The following CASZ1 variants were observed in gnomAD, a reference collection of about 807,000 sequenced individuals.
CASZ1 encodes castor zinc finger 1.
In CASZ1, 28 loss-of-function variants were observed where a neutral mutation model predicts 135.2. The observed-to-expected ratio is 0.21, with a 90% confidence interval of 0.15 to 0.28. The LOEUF is 0.28. Among genes scored for constraint, CASZ1 ranks in the 10% least tolerant of loss-of-function variants. The pLI, the probability that CASZ1 is intolerant of heterozygous loss-of-function variation, is 1.00. For missense variants in CASZ1, 2,161 were observed against 2,453.3 expected, an observed-to-expected ratio of 0.88 and a Z score of 2.52; for synonymous variants, 1,068 against 1,073.4, an observed-to-expected ratio of 0.99 and a Z score of 0.10.
chr1:10,680,643 G>A (rs61776324), intron 4 of CASZ1, among the ~76,000 whole-genome samples: 2,916 of 152,286 alleles, frequency 0.019, 80 homozygotes, highest in African/African-American at 0.064. Flanking sequence ...ACCCCGGCTG[G>A]GCCCTGAGGT....
chr1:10,711,134 G>C lies in CASZ1; in HGVS notation c.-76-5590C>G, dbSNP rs1639278334. ...CGACAGAGCGAGACTCCGTCTTGGG[G>C]GGAGAAAAAAGAAAAAGACAGCATA... On this transcript the variant is annotated intron_variant, in intron 2 of 20. Coordinates refer to ENST00000377022, the MANE Select transcript of CASZ1 (RefSeq NM_001079843.3). The surrounding 1 kb of genome is among the most constrained non-coding windows in gnomAD (Gnocchi z 4.4). 6.6e-6 allele frequency among the ~76,000 whole-genome samples: 1 copy of C among 152,148 alleles called. No individual in the cohort carries two copies. The highest frequency in any genetic ancestry group is 2.4e-5 in the African/African-American group (1 of 41,426).
chr1:10,684,698 C>A (rs1186450956), intron 4 of CASZ1, among the ~76,000 whole-genome samples: 1 of 152,238 alleles, frequency 6.6e-6, no homozygotes, highest in Non-Finnish European at 1.5e-5. Context: ...ATGCTGACCA[C>A]ACAGTCTAAG....
Position 10,755,113 on chromosome 1 carries a change from C to T in CASZ1, c.-77+5588G>A, listed in dbSNP as rs1007251425. Among the ~76,000 whole-genome samples the T allele has an allele frequency of 2.6e-5, 4 of 152,132 alleles. No homozygotes were observed. Among genetic ancestry groups the T allele is most frequent in the African/African-American group, 4.8e-5 (2 of 41,428 alleles). The stretch of plus-strand genomic sequence containing the variant: ...CCAGGCCTGAAGGGCAGAGAGCAAG[C>T]GGCAGTGGTGTGGGTGGGAACGTGG... On this transcript the variant is annotated intron_variant, in intron 2 of 20. Transcript: ENST00000377022. This position sits in a 1 kb window ranked among gnomAD's most constrained non-coding sequence, Gnocchi z 4.3.
chr1:10,660,259 G>C lies in CASZ1; in HGVS notation c.783C>G (p.Thr261=), dbSNP rs749741796. 1.9e-6 allele frequency: 3 copies of C among 1,613,720 alleles called. No homozygotes were observed. Among genetic ancestry groups the C allele is most frequent in the East Asian group, 2.2e-5 (1 of 44,876 alleles). Residue 261 remains threonine, a synonymous_variant, in exon 6 of 21, where the codon ACC becomes ACG. Transcript: ENST00000377022. ...CCACCTCCTTGCCCACCCGCTCCTC[G>C]GTCTTGGTGCTGGGGGCCGGCCAGG... The part of the protein sequence containing the change: ...QLSWPAPSTK[T]EERVGKEVVG...
intron 11 of CASZ1, 100 bp from the exon 12 acceptor site, chr1:10,651,176 G>A: frequency 2.0e-6 from 2 of 993,222 alleles, no homozygotes; most frequent in Non-Finnish European, 1.4e-6. Context: ...TGGGCTGGGT[G>A]GGCCCCGGCT....
rs547255503 is a variant in CASZ1, at chr1:10,749,506, CA to C, written c.-77+11194del. Among the ~76,000 whole-genome samples the C allele has an allele frequency of 3.7e-3, 556 of 152,282 alleles. 4 individuals carry two copies. Among genetic ancestry groups the C allele is most frequent in the Non-Finnish European group, 6.0e-3 (409 of 68,024 alleles). On this transcript the variant is annotated intron_variant, in intron 2 of 20. Transcript: ENST00000377022. ...TTGTGATCCACCCACCTCGGCCTCC[CA>C]AAGTGCTGGGATTACAGGTGTGAGC...
At position 10,720,565 on chromosome 1, in the gene CASZ1, T is replaced by C. The variant is rs1276572594; in HGVS notation, c.-76-15021A>G. Among the ~76,000 whole-genome samples the C allele has an allele frequency of 6.6e-6, 1 of 152,214 alleles. No individual in the cohort carries two copies. The highest frequency in any genetic ancestry group is 2.4e-5 in the African/African-American group (1 of 41,454). On this transcript the variant is annotated intron_variant, in intron 2 of 20. Transcript: ENST00000377022. The surrounding 1 kb of genome is among the most constrained non-coding windows in gnomAD (Gnocchi z 5.7). Reference sequence around the variant, plus strand: ...GTGGGAAGACTTGGGCAGTCCCATTTGCCTATCAAAAACTGTACATTCGCT... The same window carrying C: ...GTGGGAAGACTTGGGCAGTCCCATTCGCCTATCAAAAACTGTACATTCGCT...
rs374524422 is a variant in CASZ1, at chr1:10,640,003, C to G, written c.4219G>C (p.Glu1407Gln). The G allele has an allele frequency of 6.2e-7, 1 of 1,612,354 alleles. No individual in the cohort carries two copies. The highest frequency in any genetic ancestry group is 2.2e-5 in the East Asian group (1 of 44,892). ...CGCTTGCCGAAGGGCGACATGTCCT[C>G]GATGATCCAGAAGCGCTTTTTGGCC... Reference protein sequence around the residue: ...SGAKKRFWIIEDMSPFGKRRK... With the variant: ...SGAKKRFWIIQDMSPFGKRRK... The change falls in exon 21 of 21, where the codon GAG becomes CAG. Residue 1407 changes from glutamate (E) to glutamine (Q), a missense_variant. This residue lies in a region of CASZ1 where 143 missense variants were observed against 128.3 expected (regional missense o/e 1.11). Transcript: ENST00000377022.
Position 10,653,687 on chromosome 1 carries a change from GAGGGCC to G in CASZ1, c.2364_2369del (p.Ala789_Leu790del), listed in dbSNP as rs754599226. 6 of 1,567,796 alleles carry G rather than the reference GAGGGCC, an allele frequency of 3.8e-6. 1 individual carries two copies. The South Asian group carries it at 7.1e-5, about 19-fold the overall frequency. On this transcript the variant is annotated inframe_deletion, in exon 11 of 21. Coordinates refer to ENST00000377022, the MANE Select transcript of CASZ1 (RefSeq NM_001079843.3). ...TGGGGGTGGGCAGGCCCGAGTTGGA[GAGGGCC>G]AGGGCCAGGGGGATTGAGCCAGGCA...
rs557610391 is a variant in CASZ1 at position 10,706,541 on chromosome 1, T to C, written c.-76-997A>G. The stretch of plus-strand genomic sequence containing the variant: ...TCCCCAAATCAGATTGGGGGGATTG[T>C]GGGAGATGAGGTGACCTTGTTGAGG... On this transcript the variant is annotated intron_variant, in intron 2 of 20. Coordinates refer to ENST00000377022, the MANE Select transcript of CASZ1 (RefSeq NM_001079843.3). The surrounding 1 kb of genome is among the most constrained non-coding windows in gnomAD (Gnocchi z 4.3). 1.3e-3 allele frequency among the ~76,000 whole-genome samples: 192 copies of C among 152,300 alleles called. 1 individual carries two copies. Among genetic ancestry groups the C allele is most frequent in the African/African-American group, 4.5e-3 (187 of 41,564 alleles).
Position 10,647,926 on chromosome 1 carries a change from G to A in CASZ1, c.3372C>T (p.Ser1124=). Reference sequence around the variant, plus strand: ...GGATCTGAGGCATCTGGGGTATGGTGGAAGCCAGCTGCTTCCAGGCGAGCA... The same window carrying A: ...GGATCTGAGGCATCTGGGGTATGGTAGAAGCCAGCTGCTTCCAGGCGAGCA... The part of the protein sequence containing the change: ...PTLLAWKQLA[S]TIPQMPQIPA... The change falls in exon 16 of 21, where the codon TCC becomes TCT. Residue 1124 remains serine, a synonymous_variant. Transcript: ENST00000377022. This position sits in a 1 kb window ranked among gnomAD's most constrained non-coding sequence, Gnocchi z 4.9. The A allele has an allele frequency of 6.2e-7, 1 of 1,613,616 alleles. No homozygotes were observed. Among genetic ancestry groups the A allele is most frequent in the Non-Finnish European group, 8.5e-7 (1 of 1,179,878 alleles).
rs907948142 is a variant in CASZ1 at position 10,646,708 on chromosome 1, C to T, written c.3498-382G>A. On this transcript the variant is annotated intron_variant, in intron 16 of 20. Transcript: ENST00000377022. The surrounding 1 kb of genome is among the most constrained non-coding windows in gnomAD (Gnocchi z 6.4). Reference sequence around the variant, plus strand: ...CGGGGTGCCGTGAGGCCCTGGCTGGCGTGGCATGGGCGCCACCGTGGATGT... The same window carrying T: ...CGGGGTGCCGTGAGGCCCTGGCTGGTGTGGCATGGGCGCCACCGTGGATGT... 2.0e-5 allele frequency among the ~76,000 whole-genome samples: 3 copies of T among 152,316 alleles called. No individual in the cohort carries two copies. The highest frequency in any genetic ancestry group is 3.9e-4 in the East Asian group (2 of 5,180).
chr1:10,655,687 G>A lies in CASZ1; in HGVS notation c.1627C>T (p.His543Tyr), dbSNP rs952343453. The A allele has an allele frequency of 6.2e-7, 1 of 1,614,008 alleles. No homozygotes were observed. The highest frequency in any genetic ancestry group is 1.1e-5 in the South Asian group (1 of 91,078). The change falls in exon 9 of 21, where the codon CAC (histidine) becomes TAC (tyrosine). Residue 543 changes from histidine (H) to tyrosine (Y), a missense_variant. Around this residue, in one of 7 missense-constraint regions of CASZ1, gnomAD observed 248 missense variants for 410.8 expected, o/e 0.60. Coordinates refer to ENST00000377022, the MANE Select transcript of CASZ1 (RefSeq NM_001079843.3). The part of the protein sequence containing the change: ...DDCSVYYHGC[H>Y]LNGKSTHYHC... ...TAGTGGGTGCTCTTCCCATTGAGGTGGCAGCCGTGGTAGTAGACGCTGCAG... is the reference window on the plus strand; with the variant it reads ...TAGTGGGTGCTCTTCCCATTGAGGTAGCAGCCGTGGTAGTAGACGCTGCAG...
intron 1 of CASZ1, among the ~76,000 whole-genome samples, chr1:10,783,303 G>C (rs984238687): frequency 3.3e-5 from 5 of 151,754 alleles, no homozygotes; most frequent in African/African-American, 1.2e-4. Flanking sequence ...GTGCACATGG[G>C]CAAGCGTATA....
chr1:10,789,195 C>A (rs561494211), intron 1 of CASZ1, among the ~76,000 whole-genome samples: 2 of 150,104 alleles, frequency 1.3e-5, no homozygotes, highest in Admixed American at 6.6e-5. Context: ...GTTCCCATCA[C>A]CCCTGCTCCT....
At position 10,755,301 on chromosome 1, in the gene CASZ1, G is replaced by A. The variant is rs1640229990; in HGVS notation, c.-77+5400C>T. Among the ~76,000 whole-genome samples the A allele has an allele frequency of 6.6e-6, 1 of 152,188 alleles. No homozygotes were observed. The highest frequency in any genetic ancestry group is 2.4e-5 in the African/African-American group (1 of 41,446). On this transcript the variant is annotated intron_variant, in intron 2 of 20. Coordinates refer to ENST00000377022, the MANE Select transcript of CASZ1 (RefSeq NM_001079843.3). This position sits in a 1 kb window ranked among gnomAD's most constrained non-coding sequence, Gnocchi z 4.3. ...TGGGGGAACCTGGCAGGAGACCGGA[G>A]AGGAGGAGCTTGAAGGTCTACACGA...
intron 1 of CASZ1, among the ~76,000 whole-genome samples, chr1:10,790,780 T>C (rs958741403): frequency 6.6e-6 from 1 of 152,112 alleles, no homozygotes. Context: ...ACCTTGGCTA[T>C]GCCTGACATT....
At chr1:10,749,539 G>A (rs113081175) in intron 2 of CASZ1, among the ~76,000 whole-genome samples, 3,273 of 152,168 alleles carry the variant, frequency 0.022, 134 homozygotes, top group African/African-American at 0.074. Context: ...GAGCCACCAC[G>A]CCCGGCCTAT....
Position 10,707,148 on chromosome 1 carries a change from C to T in CASZ1, c.-76-1604G>A, listed in dbSNP as rs1174298298. Among the ~76,000 whole-genome samples the T allele has an allele frequency of 6.6e-6, 1 of 152,064 alleles. No individual in the cohort carries two copies. The highest frequency in any genetic ancestry group is 1.5e-5 in the Non-Finnish European group (1 of 67,984). ...CCACACACTCCTGTCTGAGATCTCTCAAGGTGCCCTGGCCAGCCTCCTGTG... is the reference window on the plus strand; with the variant it reads ...CCACACACTCCTGTCTGAGATCTCTTAAGGTGCCCTGGCCAGCCTCCTGTG... On this transcript the variant is annotated intron_variant, in intron 2 of 20. Transcript: ENST00000377022. The surrounding 1 kb of genome is among the most constrained non-coding windows in gnomAD (Gnocchi z 5.0).
Sources: allele counts gnomAD v4.1 joint callset (sites outside exome capture counted in the v4.1 genomes callset), GRCh38; gene constraint gnomAD v4.1.1; regional missense constraint gnomAD v4.1.1; non-coding constraint Gnocchi (gnomAD v3.1); transcripts MANE v1.5; gene names NCBI Gene and HGNC (gene_info 2026-07-23, HGNC 2026-07-21).